KDM1A: variants seen among roughly 807,000 people sequenced by gnomAD.
KDM1A encodes lysine demethylase 1A.
In KDM1A, 49 loss-of-function variants were observed where a neutral mutation model predicts 109.4. The ratio of observed to expected loss-of-function variants is 0.45; its 90% confidence interval spans 0.36 to 0.57. KDM1A has a LOEUF of 0.57. Among genes scored for constraint, KDM1A ranks in the 20% least tolerant of loss-of-function variants. The probability of loss-of-function intolerance (pLI) is 0.00; values close to 1 mark genes in which losing one functional copy is unlikely to be tolerated. For missense variants in KDM1A, 668 were observed against 1,116.6 expected, an observed-to-expected ratio of 0.60 and a Z score of 5.73; for synonymous variants, 380 against 415.4, an observed-to-expected ratio of 0.91 and a Z score of 1.04.
intron 1 of KDM1A, among the ~76,000 whole-genome samples, chr1:23,020,968 T>C (rs1641608896): frequency 6.6e-6 from 1 of 152,164 alleles, no homozygotes. Flanking sequence ...GTCGGTCTAG[T>C]TGGAAAAAAC....
rs1643495733 is a variant in KDM1A, at chr1:23,077,336, C to T, written c.1843C>T (p.Arg615Ter). Residue 615 changes from arginine (R) to a stop codon, truncating the protein, a stop_gained, in exon 16 of 21, where the codon CGA (arginine) becomes TGA (stop). Transcript: ENST00000400181. LOFTEE classifies it high-confidence loss of function. ...AGACATTAAACTGAATACAGCAGTG[C>T]GACAGGTTCGCTACACGGCTTCAGG... Reference protein sequence around the residue: ...GLDIKLNTAVRQVRYTASGCE... With the variant: ...GLDIKLNTAV The T allele has an allele frequency of 2.5e-6, 4 of 1,613,058 alleles. No homozygotes were observed. The highest frequency in any genetic ancestry group is 3.4e-6 in the Non-Finnish European group (4 of 1,179,336).
chr1:23,030,343 CTTG>C (rs1557505102), intron 1 of KDM1A, 123 bp from the exon 2 acceptor site: 22 of 647,878 alleles, frequency 3.4e-5, no homozygotes, highest in South Asian at 2.4e-4. Context: ...TGCCTTGTTC[CTTG>C]TTGTATGCTT....
intron 15 of KDM1A, among the ~76,000 whole-genome samples, chr1:23,075,240 A>G (rs1023571376): frequency 1.3e-5 from 2 of 152,236 alleles, no homozygotes; most frequent in South Asian, 4.1e-4. Flanking sequence ...CAAGTGAGAA[A>G]TCACAAGGCT....
At chr1:23,071,156 G>C (rs1643307544) in intron 12 of KDM1A, 69 bp from the exon 13 acceptor site, 2 of 1,365,244 alleles carry the variant, frequency 1.5e-6, no homozygotes, top group African/African-American at 1.5e-5. Context: ...AGCCAAAAAA[G>C]GGTACATGTG....
chr1:23,065,940 C>G (rs1221050715), intron 9 of KDM1A, 120 bp from the exon 10 acceptor site: 31 of 1,370,478 alleles, frequency 2.3e-5, no homozygotes, highest in African/African-American at 3.0e-5. Flanking sequence ...TAACAGAATG[C>G]TTCTGTCATG....
chr1:23,034,928 A>T (rs1384725324), intron 2 of KDM1A, among the ~76,000 whole-genome samples: 1 of 152,164 alleles, frequency 6.6e-6, no homozygotes. Context: ...GAGTGTGTGT[A>T]TCATTTTTCT....
At chr1:23,024,270 T>C (rs1641731017) in intron 1 of KDM1A, among the ~76,000 whole-genome samples, 1 of 152,170 alleles carries the variant, frequency 6.6e-6, no homozygotes, top group Non-Finnish European at 1.5e-5. Context: ...ATGTGTTTGT[T>C]TGGGGCAGCA....
At chr1:23,063,064 A>G (rs534782258) in intron 9 of KDM1A, among the ~76,000 whole-genome samples, 1 of 152,244 alleles carries the variant, frequency 6.6e-6, no homozygotes, top group Admixed American at 6.5e-5. Flanking sequence ...TGGGGGAGAC[A>G]GAGGAAATGG....
At chr1:23,042,301 A>T (rs1252588780) in intron 2 of KDM1A, among the ~76,000 whole-genome samples, 1 of 151,926 alleles carries the variant, frequency 6.6e-6, no homozygotes, top group Non-Finnish European at 1.5e-5. Flanking sequence ...GATTCTTGGA[A>T]ACTATTTGTT....
At chr1:23,062,973 C>G (rs1006079430) in intron 9 of KDM1A, among the ~76,000 whole-genome samples, 10 of 151,824 alleles carry the variant, frequency 6.6e-5, no homozygotes, top group Admixed American at 6.6e-4. Context: ...ATTGGACATG[C>G]GGAAGGTTGG....
At chr1:23,076,367 CTTGG>C (rs1258535019) in intron 15 of KDM1A, among the ~76,000 whole-genome samples, 1 of 151,756 alleles carries the variant, frequency 6.6e-6, no homozygotes, top group Non-Finnish European at 1.5e-5. Flanking sequence ...TATGGACTGT[CTTGG>C]GCCACTCTTT....
intron 9 of KDM1A, among the ~76,000 whole-genome samples, chr1:23,059,901 C>A (rs1399563943): frequency 6.6e-6 from 1 of 152,234 alleles, no homozygotes; most frequent in Non-Finnish European, 1.5e-5. Flanking sequence ...TGGTGATTTC[C>A]TATGTATACG....
chr1:23,052,453 A>G (rs1293579644), intron 4 of KDM1A, among the ~76,000 whole-genome samples: 1 of 152,194 alleles, frequency 6.6e-6, no homozygotes, highest in Non-Finnish European at 1.5e-5. Context: ...ATAATCCCTT[A>G]GTAATTTGGT....
intron 2 of KDM1A, among the ~76,000 whole-genome samples, chr1:23,036,040 G>T (rs1642133053): frequency 6.6e-6 from 1 of 152,090 alleles, no homozygotes; most frequent in Admixed American, 6.6e-5. Flanking sequence ...GAGTTTGGCA[G>T]CATAGATAGT....
intron 1 of KDM1A, among the ~76,000 whole-genome samples, chr1:23,021,016 T>TA (rs1270007504): frequency 6.6e-6 from 1 of 152,228 alleles, no homozygotes; most frequent in Non-Finnish European, 1.5e-5. Context: ...AACATTTAAA[T>TA]AAAAATTTGC....
intron 6 of KDM1A, 139 bp from the exon 7 acceptor site, chr1:23,055,793 C>T: frequency 2.4e-5 from 10 of 423,042 alleles, no homozygotes; most frequent in South Asian, 1.1e-4. Flanking sequence ...AGGTAGTTTC[C>T]ATATTTTGAA....
chr1:23,057,817 T>TTTG, intron 8 of KDM1A: 1 of 284,020 alleles, frequency 3.5e-6, no homozygotes, highest in South Asian at 4.8e-5. Flanking sequence ...TTTTTTTTTT[T>TTTG]TTGTGAGACA....
Position 23,083,412 on chromosome 1 carries a change from G to A in KDM1A, c.*48G>A, listed in dbSNP as rs760501208. On this transcript the variant is annotated 3_prime_UTR_variant, in exon 21 of 21. Coordinates refer to ENST00000400181, the MANE Select transcript of KDM1A (RefSeq NM_001009999.3). ...AGGCCCATGTGCCTGTTTCTGCCAT[G>A]TAAGGAAGGCTCTTCTAGCAATACT... is the stretch of plus-strand genomic sequence containing the variant. 1.3e-6 allele frequency: 2 copies of A among 1,551,238 alleles called. No homozygotes were observed. The highest frequency in any genetic ancestry group is 1.8e-6 in the Non-Finnish European group (2 of 1,142,764).
In KDM1A at chr1:23,079,113, T is replaced by C. The variant is rs1282954004; in HGVS notation, c.1991T>C (p.Val664Ala). Residue 664 changes from valine to alanine, a missense_variant, in exon 17 of 21, where the codon GTG becomes GCG. Physicochemically the swap from Val to Ala is moderately conservative, Grantham distance 64. Around this residue, in one of 8 missense-constraint regions of KDM1A, gnomAD observed 162 missense variants for 376.4 expected, o/e 0.43. Transcript: ENST00000400181. The surrounding 1 kb of genome is among the most constrained non-coding windows in gnomAD (Gnocchi z 5.6). Reference sequence around the variant, plus strand: ...CAGCAGCCACCAGCCGTTCAGTTTGTGCCACCTCTCCCTGAGTGGAAAACA... The same window carrying C: ...CAGCAGCCACCAGCCGTTCAGTTTGCGCCACCTCTCCCTGAGTGGAAAACA... ...LKQQPPAVQF[V>A]PPLPEWKTSA... 6.2e-7 allele frequency: 1 copy of C among 1,614,206 alleles called. No individual in the cohort carries two copies.
Sources: gnomAD v4.1 joint callset for allele counts (sites outside exome capture counted in the v4.1 genomes callset) on GRCh38, gnomAD v4.1.1 for gene constraint, gnomAD v4.1.1 regional missense constraint, Gnocchi (gnomAD v3.1) non-coding constraint, MANE v1.5 for transcripts, NCBI Gene and HGNC (gene_info 2026-07-23, HGNC 2026-07-21) for gene names.